ITGAL: variants seen among roughly 807,000 people sequenced by gnomAD.
ITGAL encodes the protein integrin alpha-L.
ITGAL carries 68 observed loss-of-function variants against 138.4 expected under a neutral mutation model. The ratio of observed to expected loss-of-function variants is 0.49; its 90% confidence interval spans 0.40 to 0.60. The LOEUF is 0.60. Ranked by LOEUF, ITGAL falls within the 20% of genes least tolerant of loss-of-function variation. ITGAL has a pLI of 0.00. For synonymous variants in ITGAL, 561 were observed against 584.3 expected (o/e 0.96, Z 0.57); for missense variants, 1,256 against 1,478.6 (o/e 0.85, Z 2.47).
chr16:30,474,020 A>G, intron 1 of ITGAL, 176 bp from the exon 2 acceptor site: 1 of 695,524 alleles, frequency 1.4e-6, no homozygotes, highest in Non-Finnish European at 2.6e-6. Context: ...TCAGAGCTCT[A>G]GGGGGGCCGG....
At chr16:30,490,812 A>G (rs534836411) in intron 11 of ITGAL, among the ~76,000 whole-genome samples, 13 of 151,950 alleles carry the variant, frequency 8.6e-5, no homozygotes, top group Non-Finnish European at 1.8e-4. Flanking sequence ...TACTAAAAAC[A>G]CAAAAAAATT....
chr16:30,509,483 G>C (rs1363323827), intron 21 of ITGAL: 2 of 152,078 alleles, frequency 1.3e-5, no homozygotes, highest in Admixed American at 1.3e-4. Context: ...TCTCTTCTTT[G>C]ATTGTACCAC....
chr16:30,490,326 C>G (rs924945744), intron 11 of ITGAL, among the ~76,000 whole-genome samples: 2 of 151,908 alleles, frequency 1.3e-5, no homozygotes, highest in African/African-American at 4.8e-5. Flanking sequence ...CACAATAAGC[C>G]GATAGTTCCT....
At chr16:30,484,893 G>T (rs980588171) in intron 9 of ITGAL, among the ~76,000 whole-genome samples, 1 of 151,876 alleles carries the variant, frequency 6.6e-6, no homozygotes, top group Admixed American at 6.6e-5. Context: ...ACTCCAGCCT[G>T]GGCAACACAG....
intron 1 of ITGAL, 143 bp downstream of exon 1, chr16:30,473,041 G>A (rs1284377945): frequency 1.4e-6 from 1 of 699,390 alleles, no homozygotes; most frequent in African/African-American, 1.8e-5. Flanking sequence ...ATCTTGGAAG[G>A]AGAAAGGGGA....
In ITGAL at chr16:30,499,458, T is replaced by C; in HGVS notation, c.2114T>C (p.Met705Thr). ...AGGAATATAGCTGTCACCACCAGCA[T>C]GTCATGCACTGACTTCTCATTTCAT... Reference protein sequence around the residue: ...LRRNIAVTTSMSCTDFSFHFP... With the variant: ...LRRNIAVTTSTSCTDFSFHFP... Residue 705 changes from methionine to threonine, a missense_variant, in exon 17 of 31, where the codon ATG (methionine) becomes ACG (threonine). Physicochemically the swap from Met to Thr is moderately conservative, Grantham distance 81. Around this residue, in one of 3 missense-constraint regions of ITGAL, gnomAD observed 867 missense variants for 972.5 expected, o/e 0.89. Transcript: ENST00000356798. 1 of 1,613,856 alleles carries C rather than the reference T, an allele frequency of 6.2e-7. No homozygotes were observed. The highest frequency in any genetic ancestry group is 8.5e-7 in the Non-Finnish European group (1 of 1,180,016).
chr16:30,486,504 A>T (rs929413443), intron 9 of ITGAL, among the ~76,000 whole-genome samples: 16 of 151,618 alleles, frequency 1.1e-4, no homozygotes, highest in Middle Eastern at 3.2e-3. Flanking sequence ...GTGATTTTTT[A>T]AAAAAAAGTT....
intron 1 of ITGAL, 175 bp from the exon 2 acceptor site, chr16:30,474,021 G>A: frequency 1.4e-6 from 1 of 695,988 alleles, no homozygotes; most frequent in South Asian, 1.5e-5. Context: ...CAGAGCTCTA[G>A]GGGGGCCGGG....
At chr16:30,505,585 G>A (rs2050975924) in intron 20 of ITGAL, 123 bp downstream of exon 20, 1 of 751,106 alleles carries the variant, frequency 1.3e-6, no homozygotes, top group Non-Finnish European at 2.3e-6. Flanking sequence ...TTCCTTTTCT[G>A]AGAAATTTGA....
rs966817109 is a variant in ITGAL, at chr16:30,515,750, T to C, written c.2863-1223T>C. ...ACTTTGGGAGGCCCAGGTGGGCAGATCACCTGAGGTCAGGAGTTCAAGACC... is the reference window on the plus strand; with the variant it reads ...ACTTTGGGAGGCCCAGGTGGGCAGACCACCTGAGGTCAGGAGTTCAAGACC... On this transcript the variant is annotated intron_variant, in intron 25 of 30. Transcript: ENST00000356798. Among the ~76,000 whole-genome samples the C allele has an allele frequency of 4.6e-5, 7 of 152,238 alleles. No individual in the cohort carries two copies. In the South Asian group the frequency reaches 1.2e-3, roughly 27 times the overall value.
intron 11 of ITGAL, among the ~76,000 whole-genome samples, chr16:30,493,583 T>C (rs537102212): frequency 6.6e-6 from 1 of 152,248 alleles, no homozygotes; most frequent in Admixed American, 6.5e-5. Context: ...GACTCCCATT[T>C]TAATTTATTA....
intron 19 of ITGAL, 33 bp from the exon 20 acceptor site, chr16:30,505,356 G>C (rs1320277666): frequency 1.2e-6 from 2 of 1,613,558 alleles, no homozygotes; most frequent in East Asian, 2.2e-5. Context: ...CTCCTGATCT[G>C]AGCCTGTTAC....
At chr16:30,474,504 T>C in intron 2 of ITGAL, 3 of 571,868 alleles carry the variant, frequency 5.2e-6, no homozygotes, top group Non-Finnish European at 9.5e-6. Context: ...AGGGAGGCCA[T>C]GGAAGTGCAG....
At chr16:30,489,419 G>C in intron 11 of ITGAL, 33 bp downstream of exon 11, 1 of 1,608,988 alleles carries the variant, frequency 6.2e-7, no homozygotes, top group Non-Finnish European at 8.5e-7. Flanking sequence ...GGGATCTTCT[G>C]GTTGTTGAGG....
intron 4 of ITGAL, among the ~76,000 whole-genome samples, chr16:30,478,386 G>A (rs1195868313): frequency 1.3e-5 from 2 of 150,310 alleles, no homozygotes; most frequent in African/African-American, 4.9e-5. Context: ...GAGGGGAGGG[G>A]AGAGGAAGGG....
Position 30,475,316 on chromosome 16 carries a change from G to A in ITGAL, c.175G>A (p.Gly59Arg). Residue 59 changes from glycine (G) to arginine (R), a missense_variant, in exon 3 of 31, where the codon GGA (glycine) becomes AGA (arginine). Gly to Arg is a moderately radical substitution (Grantham distance 125). This residue lies in a region of ITGAL where 212 missense variants were observed against 217.4 expected (regional missense o/e 0.98). Coordinates refer to ENST00000356798, the MANE Select transcript of ITGAL (RefSeq NM_002209.3). The stretch of plus-strand genomic sequence containing the variant: ...GAGATTTCTCACCAGGGTCATCGTG[G>A]GAGCTCCAGGGGAGGGGAACAGCAC... ...VLQVGNGVIV[G>R]APGEGNSTGS... 6.2e-7 allele frequency: 1 copy of A among 1,613,290 alleles called. No homozygotes were observed. The highest frequency in any genetic ancestry group is 8.5e-7 in the Non-Finnish European group (1 of 1,179,516).
At chr16:30,499,044 G>A in intron 15 of ITGAL, 30 bp from the exon 16 acceptor site, 1 of 1,607,010 alleles carries the variant, frequency 6.2e-7, no homozygotes, top group Non-Finnish European at 8.5e-7. Context: ...TGGGTTGGAG[G>A]GAGAGAGTTG....
chr16:30,504,706 T>C (rs886537066), intron 18 of ITGAL, among the ~76,000 whole-genome samples: 12 of 142,762 alleles, frequency 8.4e-5, no homozygotes, highest in Non-Finnish European at 1.5e-4. Flanking sequence ...AAACCCTGTC[T>C]CTAAAGAAGA....
Position 30,481,547 on chromosome 16 carries a change from CT to C in ITGAL, c.686del (p.Leu229ArgfsTer2). Reference protein sequence around the residue: ...ALLKHVKHMLLLTNTFGAINY... With the variant: ...ALLKHVKHMLXLTNTFGAINY... ...GCTGAAGCATGTAAAGCACATGTTGCTGTTGACCAATACCTTTGGTGCCATC... is the reference window on the plus strand; with the variant it reads ...GCTGAAGCATGTAAAGCACATGTTGCGTTGACCAATACCTTTGGTGCCATC... On this transcript the variant is annotated frameshift_variant, in exon 7 of 31. Transcript: ENST00000356798. LOFTEE classifies it high-confidence loss of function. 1 of 1,613,608 alleles carries C rather than the reference CT, an allele frequency of 6.2e-7. No homozygotes were observed.
Sources: gnomAD v4.1 joint callset for allele counts (sites outside exome capture counted in the v4.1 genomes callset) on GRCh38, gnomAD v4.1.1 for gene constraint, gnomAD v4.1.1 regional missense constraint, MANE v1.5 for transcripts, NCBI Gene and HGNC (gene_info 2026-07-23, HGNC 2026-07-21) for gene names.